UBE2Q2: variants seen among roughly 807,000 people sequenced by gnomAD.
UBE2Q2 encodes ubiquitin conjugating enzyme E2 Q2.
Under a neutral mutation model 59.9 loss-of-function variants are expected in UBE2Q2, and 54 were observed. The ratio of observed to expected loss-of-function variants is 0.90; its 90% CI spans 0.72 to 1.13. The LOEUF is 1.13. Ranked by LOEUF, UBE2Q2 falls within the 50% of genes most tolerant of loss-of-function variation. UBE2Q2 has a pLI of 0.00. For missense variants in UBE2Q2, 433 were observed against 441.9 expected, an observed-to-expected ratio of 0.98 and a Z score of 0.18; for synonymous variants, 165 against 155.2, an observed-to-expected ratio of 1.06 and a Z score of -0.47.
chr15:75,843,893 G>A (rs1456504707), intron 1 of UBE2Q2, 47 bp downstream of exon 1: 2 of 1,502,448 alleles, frequency 1.3e-6, no homozygotes, highest in African/African-American at 1.4e-5. Flanking sequence ...AGGACGGAGA[G>A]GGGGCGCTTC....
At chr15:75,846,266 C>CTCGCTGTG in intron 1 of UBE2Q2, among the ~76,000 whole-genome samples, 1 of 152,266 alleles carries the variant, frequency 6.6e-6, no homozygotes, top group East Asian at 1.9e-4. Flanking sequence ...GAGACGGAGT[C>CTCGCTGTG]TCGCTGTGTC....
intron 3 of UBE2Q2, among the ~76,000 whole-genome samples, chr15:75,864,621 A>G (rs1394912579): frequency 6.6e-6 from 1 of 151,996 alleles, no homozygotes; most frequent in Non-Finnish European, 1.5e-5. Context: ...AAAAAAAAAA[A>G]AAAGGATCGC....
intron 10 of UBE2Q2, 41 bp from the exon 11 acceptor site, chr15:75,890,876 CAG>C: frequency 6.4e-7 from 1 of 1,558,752 alleles, no homozygotes; most frequent in South Asian, 1.1e-5. Flanking sequence ...AAGTGGGAAT[CAG>C]AAATACTACT....
chr15:75,862,040 G>C (rs988007733), intron 3 of UBE2Q2, among the ~76,000 whole-genome samples: 1 of 152,216 alleles, frequency 6.6e-6, no homozygotes, highest in Non-Finnish European at 1.5e-5. Flanking sequence ...CAAGAGGATA[G>C]TCAGTTCCTA....
intron 1 of UBE2Q2, among the ~76,000 whole-genome samples, chr15:75,853,309 A>C (rs1896727796): frequency 1.3e-5 from 2 of 152,004 alleles, no homozygotes; most frequent in African/African-American, 4.8e-5. Context: ...GTCTCTAATA[A>C]AAATACAAAA....
At chr15:75,882,362 C>A (rs1453227518) in intron 8 of UBE2Q2, among the ~76,000 whole-genome samples, 1 of 152,054 alleles carries the variant, frequency 6.6e-6, no homozygotes, top group Admixed American at 6.5e-5. Context: ...CTTTTTATTT[C>A]TGTAAAATCT....
At position 75,900,611 on chromosome 15, in the gene UBE2Q2, A is replaced by C. The variant is rs1899703152; in HGVS notation, c.*1153A>C. 6.5e-6 allele frequency: 1 copy of C among 152,672 alleles called. No individual in the cohort carries two copies. The highest frequency in any genetic ancestry group is 6.5e-5 in the Admixed American group (1 of 15,282). 9.5% of individuals were successfully genotyped at this position (152,672 alleles called of 1,614,324 possible). A position where few individuals can be genotyped will look rare whatever the true frequency, so the allele number is the denominator to read the frequency against. ...CATTTTTCTGCACAAACAAGTTACA[A>C]AGTTCAAAAGTGTTTCTTGTGCATT... On this transcript the variant is annotated 3_prime_UTR_variant, in exon 13 of 13. Coordinates refer to ENST00000267938, the MANE Select transcript of UBE2Q2 (RefSeq NM_173469.4).
intron 3 of UBE2Q2, among the ~76,000 whole-genome samples, chr15:75,862,672 G>A (rs1897258843): frequency 6.6e-6 from 1 of 151,546 alleles, no homozygotes; most frequent in Admixed American, 6.6e-5. Flanking sequence ...AAAATTAGGT[G>A]GGTATGGTGG....
At chr15:75,876,679 G>T (rs1020013876) in intron 6 of UBE2Q2, among the ~76,000 whole-genome samples, 2 of 152,054 alleles carry the variant, frequency 1.3e-5, no homozygotes, top group African/African-American at 4.8e-5. Flanking sequence ...AGCTTTTATT[G>T]TAAAGATAGT....
intron 1 of UBE2Q2, 169 bp downstream of exon 1, chr15:75,844,015 C>G (rs1896172996): frequency 7.1e-7 from 1 of 1,409,182 alleles, no homozygotes; most frequent in Non-Finnish European, 9.2e-7. Flanking sequence ...TGGGACTGCG[C>G]GAGGCTTGGG....
intron 8 of UBE2Q2, among the ~76,000 whole-genome samples, chr15:75,882,617 A>T (rs181614068): frequency 2.3e-4 from 35 of 152,358 alleles, no homozygotes; most frequent in Non-Finnish European, 5.9e-5. Flanking sequence ...ATGAAAGGTG[A>T]GCTACTTTAT....
chr15:75,844,422 TC>T (rs1567010722), intron 1 of UBE2Q2: 1 of 1,551,462 alleles, frequency 6.4e-7, no homozygotes, highest in Non-Finnish European at 8.7e-7. Flanking sequence ...GCGACCCCTC[TC>T]CCCCGGGCCT....
intron 9 of UBE2Q2, among the ~76,000 whole-genome samples, chr15:75,884,264 T>TA (rs1898627106): frequency 6.6e-6 from 1 of 152,240 alleles, no homozygotes; most frequent in Non-Finnish European, 1.5e-5. Context: ...TTATGGTGGT[T>TA]AAAATCTAAA....
intron 2 of UBE2Q2, among the ~76,000 whole-genome samples, chr15:75,858,322 C>A (rs534977048): frequency 6.6e-6 from 1 of 152,082 alleles, no homozygotes. Flanking sequence ...TTTAAATTTG[C>A]GTTTACCCAC....
rs1896144239 is a variant in UBE2Q2 at position 75,843,709 on chromosome 15, T to A, written c.43T>A (p.Ser15Thr). The change falls in exon 1 of 13, where the codon TCC becomes ACC. Residue 15 changes from serine (S) to threonine (T), a missense_variant. Coordinates refer to ENST00000267938, the MANE Select transcript of UBE2Q2 (RefSeq NM_173469.4). Reference protein sequence around the residue: ...GLKAELKFLASIFDKNHERFR... With the variant: ...GLKAELKFLATIFDKNHERFR... ...CAAGGCCGAGCTGAAGTTCCTGGCG[T>A]CCATCTTCGACAAGAACCACGAGCG... is the stretch of plus-strand genomic sequence containing the variant. The A allele has an allele frequency of 1.2e-6, 2 of 1,611,022 alleles. No individual in the cohort carries two copies. The highest frequency in any genetic ancestry group is 1.7e-6 in the Non-Finnish European group (2 of 1,178,854).
intron 9 of UBE2Q2, among the ~76,000 whole-genome samples, chr15:75,889,179 C>A (rs1898955957): frequency 1.3e-5 from 2 of 152,056 alleles, no homozygotes; most frequent in South Asian, 4.1e-4. Context: ...ATAGAATACA[C>A]AAAAAAAAAT....
At chr15:75,849,618 A>T (rs886070141) in intron 1 of UBE2Q2, among the ~76,000 whole-genome samples, 2 of 152,190 alleles carry the variant, frequency 1.3e-5, no homozygotes, top group Non-Finnish European at 2.9e-5. Flanking sequence ...AGACAGTTTT[A>T]TGGTGGGGAT....
chr15:75,856,609 A>G (rs979772587), intron 2 of UBE2Q2, among the ~76,000 whole-genome samples: 1 of 151,560 alleles, frequency 6.6e-6, no homozygotes, highest in Non-Finnish European at 1.5e-5. Flanking sequence ...TTTTTGTCAA[A>G]ATAAGTTATA....
intron 9 of UBE2Q2, among the ~76,000 whole-genome samples, chr15:75,888,527 A>G (rs922311014): frequency 6.6e-6 from 1 of 152,136 alleles, no homozygotes; most frequent in Non-Finnish European, 1.5e-5. Context: ...CCTTACTTAG[A>G]TCATTAATGT....
Sources: allele counts gnomAD v4.1 joint callset (sites outside exome capture counted in the v4.1 genomes callset), GRCh38; gene constraint gnomAD v4.1.1; transcripts MANE v1.5; gene names NCBI Gene and HGNC (gene_info 2026-07-23, HGNC 2026-07-21).